Variants in SCUBE1 observed in about 807,000 individuals in gnomAD.
The protein encoded by SCUBE1 is signal peptide, CUB and EGF-like domain-containing protein 1.
A neutral mutation model predicts 124.4 loss-of-function variants in SCUBE1; 59 were observed. The observed-to-expected ratio is 0.47, with a 90% confidence interval of 0.38 to 0.59. The LOEUF (loss-of-function observed/expected upper bound fraction) is 0.59. Among genes scored for constraint, SCUBE1 ranks in the 20% least tolerant of loss-of-function variants. The pLI is 0.00. For missense variants in SCUBE1, 1,150 were observed against 1,371.2 expected, an observed-to-expected ratio of 0.84 and a Z score of 2.55; for synonymous variants, 545 against 550.9, an observed-to-expected ratio of 0.99 and a Z score of 0.15.
chr22:43,318,034 T>C (rs1926411941), intron 3 of SCUBE1, among the ~76,000 whole-genome samples: 1 of 152,162 alleles, frequency 6.6e-6, no homozygotes, highest in Non-Finnish European at 1.5e-5. Flanking sequence ...CCCTTGCAGC[T>C]CTCAGAAGGA....
At chr22:43,261,646 G>A (rs1273657795) in intron 5 of SCUBE1, among the ~76,000 whole-genome samples, 1 of 152,222 alleles carries the variant, frequency 6.6e-6, no homozygotes, top group Non-Finnish European at 1.5e-5. Context: ...CTTTATGACA[G>A]CGGGGCAGCC....
rs1295632151 is a variant in SCUBE1, at chr22:43,231,650, A to G, written c.967+103T>C. 3 of 1,424,016 alleles carry G rather than the reference A, an allele frequency of 2.1e-6. No individual in the cohort carries two copies. The African/African-American group carries it at 4.2e-5, about 20-fold the overall frequency. 88.2% of individuals were successfully genotyped at this position (1,424,016 alleles called of 1,614,324 possible). A position where few individuals can be genotyped will look rare whatever the true frequency, so the allele number is the denominator to read the frequency against. The stretch of plus-strand genomic sequence containing the variant: ...ACCCCATTCCCTCGGGCCCAGCCCC[A>G]TCCGCATTCCCCTCCCCTCCTAGGA... On this transcript the variant is annotated intron_variant, in intron 8 of 21. Coordinates refer to ENST00000360835, the MANE Select transcript of SCUBE1 (RefSeq NM_173050.5).
At chr22:43,289,205 G>A (rs1276168790) in intron 4 of SCUBE1, among the ~76,000 whole-genome samples, 3 of 152,226 alleles carry the variant, frequency 2.0e-5, no homozygotes, top group African/African-American at 7.2e-5. Flanking sequence ...CTCCCTGGAT[G>A]AAAGCAGAGG....
chr22:43,277,465 A>T (rs7291800), intron 4 of SCUBE1, among the ~76,000 whole-genome samples: 1 of 152,088 alleles, frequency 6.6e-6, no homozygotes. Context: ...CAGCATGGCG[A>T]GACAGGGGCT....
chr22:43,227,617 C>G, intron 9 of SCUBE1, 121 bp from the exon 10 acceptor site: 1 of 1,304,944 alleles, frequency 7.7e-7, no homozygotes, highest in Non-Finnish European at 1.1e-6. Flanking sequence ...GACAGCATCA[C>G]GGGATGCAGA....
chr22:43,294,908 C>T (rs1925501049), intron 3 of SCUBE1, among the ~76,000 whole-genome samples: 1 of 152,124 alleles, frequency 6.6e-6, no homozygotes, highest in African/African-American at 2.4e-5. Context: ...TTGCTGCCAG[C>T]GAGGCCCCAG....
intron 3 of SCUBE1, among the ~76,000 whole-genome samples, chr22:43,317,342 A>G: frequency 6.6e-6 from 1 of 152,192 alleles, no homozygotes; most frequent in East Asian, 1.9e-4. Flanking sequence ...TGGATTACGC[A>G]GTTATCCCTG....
At chr22:43,286,057 G>T (rs913985226) in intron 4 of SCUBE1, among the ~76,000 whole-genome samples, 1 of 152,228 alleles carries the variant, frequency 6.6e-6, no homozygotes, top group Admixed American at 6.5e-5. Flanking sequence ...AGAGCTTCCA[G>T]GTCCTGACTC....
rs749952103 is a variant in SCUBE1 at position 43,212,554 on chromosome 22, T to C, written c.2092A>G (p.Lys698Glu). 1.9e-6 allele frequency: 3 copies of C among 1,565,682 alleles called. No individual in the cohort carries two copies. Among genetic ancestry groups the C allele is most frequent in the African/African-American group, 2.7e-5 (2 of 73,532 alleles). The change falls in exon 17 of 22, where the codon AAG becomes GAG. Residue 698 changes from lysine (K) to glutamate (E), a missense_variant. Around this residue, in one of 3 missense-constraint regions of SCUBE1, gnomAD observed 757 missense variants for 840.9 expected, o/e 0.90. Transcript: ENST00000360835. ...SPGFFSADGF[K>E]PCQACPVGTY... ...CCCACGGGGCAGGCCTGGCAGGGCTTGAAGCCATCGGCCGAGAAGAAGCCT... is the reference window on the plus strand; with the variant it reads ...CCCACGGGGCAGGCCTGGCAGGGCTCGAAGCCATCGGCCGAGAAGAAGCCT...
rs764530411 is a variant in SCUBE1 at position 43,320,035 on chromosome 22, T to C, written c.251A>G (p.Asn84Ser). 1.5e-5 allele frequency: 24 copies of C among 1,613,950 alleles called. No homozygotes were observed. The highest frequency in any genetic ancestry group is 2.7e-5 in the African/African-American group (2 of 74,902). The change falls in exon 3 of 22, where the codon AAT becomes AGT. Residue 84 changes from asparagine (N) to serine (S), a missense_variant. Physicochemically the swap from Asn to Ser is conservative, Grantham distance 46 (BLOSUM62 1). This residue lies in a region of SCUBE1 where 337 missense variants were observed against 482.1 expected (regional missense o/e 0.70). Transcript: ENST00000360835. ...DIDECENDYYNGGCVHECINI... is the reference protein window; with the variant it reads ...DIDECENDYYSGGCVHECINI... ...GATGCACTCGTGGACACAGCCCCCA[T>C]TGTAGTAGTCATTCTCACACTCGTC... is the stretch of plus-strand genomic sequence containing the variant.
chr22:43,333,166 G>C (rs77888863), intron 2 of SCUBE1, among the ~76,000 whole-genome samples: 1 of 152,190 alleles, frequency 6.6e-6, no homozygotes, highest in Non-Finnish European at 1.5e-5. Flanking sequence ...CTGCCTCAAC[G>C]CCCTTCGAAG....
At chr22:43,328,956 A>G (rs1926815796) in intron 2 of SCUBE1, among the ~76,000 whole-genome samples, 2 of 152,332 alleles carry the variant, frequency 1.3e-5, no homozygotes, top group Admixed American at 6.5e-5. Flanking sequence ...GGTGAAGGCA[A>G]CATTTGAACC....
intron 2 of SCUBE1, among the ~76,000 whole-genome samples, chr22:43,329,293 A>G (rs572618915): frequency 6.6e-6 from 1 of 152,248 alleles, no homozygotes; most frequent in Non-Finnish European, 1.5e-5. Context: ...GCTAAGCCCC[A>G]CTGAAGCCCA....
At position 43,276,456 on chromosome 22, in the gene SCUBE1, G is replaced by T. The variant is rs927119948; in HGVS notation, c.485-13611C>A. Among the ~76,000 whole-genome samples, 12 of 152,224 alleles carry T rather than the reference G, an allele frequency of 7.9e-5. 1 individual carries two copies. Among genetic ancestry groups the T allele is most frequent in the Admixed American group, 3.3e-4 (5 of 15,292 alleles). On this transcript the variant is annotated intron_variant, in intron 4 of 21. Transcript: ENST00000360835. ...CTCAGGCGGGTGACGAGGACCTGGG[G>T]AATGCTGCGGCCAGGGGTGGCCAGG...
chr22:43,258,194 G>C lies in SCUBE1; in HGVS notation c.727+25C>G. The stretch of plus-strand genomic sequence containing the variant: ...GTCGGGGGCGGGGGGCGCAAGGGTG[G>C]TGTGTGGCAGAGGTGCCTACTTACC... On this transcript the variant is annotated intron_variant, in intron 6 of 21. Coordinates refer to ENST00000360835, the MANE Select transcript of SCUBE1 (RefSeq NM_173050.5). This position sits in a 1 kb window ranked among gnomAD's most constrained non-coding sequence, Gnocchi z 5.0. 1 of 1,505,948 alleles carries C rather than the reference G, an allele frequency of 6.6e-7. No homozygotes were observed. The highest frequency in any genetic ancestry group is 1.4e-5 in the African/African-American group (1 of 72,884). The allele number at this position is 1,505,948 out of a possible 1,614,324, so 93.3% of individuals were successfully genotyped here.
At chr22:43,278,739 GC>G (rs765445790) in intron 4 of SCUBE1, among the ~76,000 whole-genome samples, 5 of 152,260 alleles carry the variant, frequency 3.3e-5, no homozygotes, top group South Asian at 2.1e-4. Context: ...CTGAAGTCCT[GC>G]CCCCCCAGTG....
intron 17 of SCUBE1, 25 bp downstream of exon 17, chr22:43,212,400 G>C (rs1321354408): frequency 6.5e-7 from 1 of 1,547,764 alleles, no homozygotes; most frequent in East Asian, 2.4e-5. Context: ...GGGGTGGGCG[G>C]GCGTGGTGGG....
chr22:43,280,758 TCCCTCATTGGCCACCCTCCTGTCATC>T (rs1924777348), intron 4 of SCUBE1, among the ~76,000 whole-genome samples: 2 of 140,632 alleles, frequency 1.4e-5, no homozygotes, highest in Admixed American at 6.8e-5. Flanking sequence ...TCCTGTCACC[TCCCTCATTGGCCACCCTCCTGTCATC>T]TCCTCCTCAG....
chr22:43,306,899 G>C (rs561725396), intron 3 of SCUBE1, among the ~76,000 whole-genome samples: 1 of 152,204 alleles, frequency 6.6e-6, no homozygotes, highest in African/African-American at 2.4e-5. Context: ...CGCTGGCCGA[G>C]GGAGACAGGG....
Sources: allele counts gnomAD v4.1 joint callset (sites outside exome capture counted in the v4.1 genomes callset), GRCh38; gene constraint gnomAD v4.1.1; regional missense constraint gnomAD v4.1.1; non-coding constraint Gnocchi (gnomAD v3.1); transcripts MANE v1.5; gene names NCBI Gene and HGNC (gene_info 2026-07-23, HGNC 2026-07-21).